The following KCNAB1 variants were observed in gnomAD, a reference collection of about 807,000 sequenced individuals.
KCNAB1 encodes the protein voltage-gated potassium channel subunit beta-1.
In KCNAB1, 35 loss-of-function variants were observed where a neutral mutation model predicts 64.6. The observed-to-expected ratio is 0.54, with a 90% CI of 0.41 to 0.72. KCNAB1 has a LOEUF of 0.72. Ranked by LOEUF, KCNAB1 falls within the 30% of genes least tolerant of loss-of-function variation. The pLI is 0.00. For missense variants in KCNAB1, 401 were observed against 512.9 expected (o/e 0.78, Z 2.11); for synonymous variants, 177 against 183.8 (o/e 0.96, Z 0.30).
At chr3:156,347,212 T>C (rs550650290) in intron 1 of KCNAB1, among the ~76,000 whole-genome samples, 46 of 152,326 alleles carry the variant, frequency 3.0e-4, no homozygotes, top group African/African-American at 1.0e-3. Flanking sequence ...ATCCAGTATT[T>C]GTGTTGAGAC....
At chr3:156,332,065 C>A (rs1333216325) in intron 1 of KCNAB1, among the ~76,000 whole-genome samples, 1 of 152,096 alleles carries the variant, frequency 6.6e-6, no homozygotes, top group African/African-American at 2.4e-5. Context: ...TCTGCTATAA[C>A]TTGATGCAAT....
intron 8 of KCNAB1, among the ~76,000 whole-genome samples, chr3:156,495,244 G>A (rs371148991): frequency 4.2e-3 from 643 of 152,198 alleles, no homozygotes; most frequent in Admixed American, 6.9e-3. Flanking sequence ...GGTATGTGAG[G>A]TTGTGAAGAA....
intron 1 of KCNAB1, among the ~76,000 whole-genome samples, chr3:156,337,933 G>A (rs1314658617): frequency 1.3e-5 from 2 of 152,192 alleles, no homozygotes; most frequent in African/African-American, 4.8e-5. Context: ...AAACACTGCA[G>A]TATGAACTAA....
chr3:156,525,779 G>T (rs1718272374), intron 12 of KCNAB1, among the ~76,000 whole-genome samples: 1 of 152,228 alleles, frequency 6.6e-6, no homozygotes, highest in Non-Finnish European at 1.5e-5. Flanking sequence ...CGCCTAAAGT[G>T]CTGGGATTAC....
At chr3:156,441,120 C>T (rs907171351) in intron 2 of KCNAB1, 8 of 152,110 alleles carry the variant, frequency 5.3e-5, no homozygotes, top group East Asian at 1.9e-4. Context: ...TTTTTTACAA[C>T]GTATTATCTT....
chr3:156,489,760 T>C (rs947548045), intron 8 of KCNAB1, among the ~76,000 whole-genome samples: 3 of 151,650 alleles, frequency 2.0e-5, no homozygotes, highest in Non-Finnish European at 2.9e-5. Flanking sequence ...TGTATGAAAA[T>C]GGAAAAGGGA....
At chr3:156,480,662 T>C (rs1273979172) in intron 8 of KCNAB1, among the ~76,000 whole-genome samples, 1 of 152,154 alleles carries the variant, frequency 6.6e-6, no homozygotes, top group Admixed American at 6.5e-5. Flanking sequence ...ATGGCATATA[T>C]TACATTCTTT....
rs147876123 is a variant in KCNAB1, at chr3:156,247,718, A to C, written c.275+126832A>C. Among the ~76,000 whole-genome samples, 562 of 152,108 alleles carry C rather than the reference A, an allele frequency of 3.7e-3. 1 individual carries two copies. Among genetic ancestry groups the C allele is most frequent in the Non-Finnish European group, 6.4e-3 (438 of 67,966 alleles). On this transcript the variant is annotated intron_variant, in intron 1 of 13. Transcript: ENST00000490337. The stretch of plus-strand genomic sequence containing the variant: ...GCTAGGACTACAGGCATGAACCACC[A>C]TGCCCCACTAATTTTTTGTATTTTT...
chr3:156,499,061 A>AAGAATGAT, intron 8 of KCNAB1, among the ~76,000 whole-genome samples: 1 of 152,368 alleles, frequency 6.6e-6, no homozygotes. Flanking sequence ...TGGTGGACCA[A>AAGAATGAT]AGAATGATAA....
intron 1 of KCNAB1, among the ~76,000 whole-genome samples, chr3:156,227,400 A>G (rs997160788): frequency 9.9e-5 from 15 of 152,218 alleles, no homozygotes; most frequent in Non-Finnish European, 1.6e-4. Context: ...ATCACAATCA[A>G]TGTTGCAATA....
chr3:156,457,326 A>AAACT, intron 3 of KCNAB1, 127 bp from the exon 4 acceptor site: 1 of 1,508,980 alleles, frequency 6.6e-7, no homozygotes, highest in Non-Finnish European at 8.9e-7. Context: ...CTCTCCACTA[A>AAACT]AACTAAGAAA....
intron 1 of KCNAB1, among the ~76,000 whole-genome samples, chr3:156,209,113 A>T (rs1392380988): frequency 3.3e-5 from 5 of 152,228 alleles, no homozygotes; most frequent in African/African-American, 1.2e-4. Context: ...ATTTGTATAC[A>T]ATCACATTTA....
At chr3:156,412,653 C>T (rs186447423) in intron 1 of KCNAB1, among the ~76,000 whole-genome samples, 124 of 152,208 alleles carry the variant, frequency 8.1e-4, no homozygotes, top group African/African-American at 2.8e-3. Context: ...ATAGTGGCTA[C>T]ATAAAAAGAA....
intron 1 of KCNAB1, among the ~76,000 whole-genome samples, chr3:156,230,965 T>C (rs1716485753): frequency 6.6e-6 from 1 of 152,240 alleles, no homozygotes; most frequent in Non-Finnish European, 1.5e-5. Flanking sequence ...TTCCCTCTTC[T>C]GGAGAAAACT....
chr3:156,473,310 G>A (rs1325007353), intron 7 of KCNAB1, among the ~76,000 whole-genome samples: 1 of 152,144 alleles, frequency 6.6e-6, no homozygotes, highest in East Asian at 1.9e-4. Flanking sequence ...CCCAAGTGGG[G>A]TCCCTAGCAT....
intron 1 of KCNAB1, among the ~76,000 whole-genome samples, chr3:156,131,890 C>T (rs1714019926): frequency 6.6e-6 from 1 of 152,196 alleles, no homozygotes; most frequent in Non-Finnish European, 1.5e-5. Context: ...TGACATGGAT[C>T]AAGAGAGGAG....
chr3:156,198,461 T>C (rs1212896420), intron 1 of KCNAB1, among the ~76,000 whole-genome samples: 1 of 152,184 alleles, frequency 6.6e-6, no homozygotes, highest in Non-Finnish European at 1.5e-5. Context: ...GTTTTATGAA[T>C]CTGGGTGTTC....
chr3:156,198,913 ATTTTTTT>A (rs71138701), intron 1 of KCNAB1, among the ~76,000 whole-genome samples: 768 of 21,244 alleles, frequency 0.036, 9 homozygotes, highest in Non-Finnish European at 0.055. Flanking sequence ...TTATATTTTG[ATTTTTTT>A]TTTTTTTTTT....
chr3:156,387,117 G>A (rs1161165209), intron 1 of KCNAB1, among the ~76,000 whole-genome samples: 1 of 149,066 alleles, frequency 6.7e-6, no homozygotes, highest in Non-Finnish European at 1.5e-5. Flanking sequence ...CTAGAAGGTT[G>A]GCTGGGTCAG....
Sources: gnomAD v4.1 joint callset for allele counts (sites outside exome capture counted in the v4.1 genomes callset) on GRCh38, gnomAD v4.1.1 for gene constraint, MANE v1.5 for transcripts, NCBI Gene and HGNC (gene_info 2026-07-23, HGNC 2026-07-21) for gene names.